Variants in POPDC2 observed in about 807,000 individuals in gnomAD.
POPDC2 encodes popeye domain-containing protein 2.
Under a neutral mutation model 30.5 loss-of-function variants are expected in POPDC2, and 24 were observed. The observed-to-expected ratio is 0.79, with a 90% CI of 0.57 to 1.11. POPDC2 has a LOEUF of 1.11. Ranked by LOEUF, POPDC2 falls within the 50% of genes least tolerant of loss-of-function variation. POPDC2 has a pLI of 0.00. For synonymous variants in POPDC2, 185 were observed against 183.3 expected, an observed-to-expected ratio of 1.01 and a Z score of -0.07; for missense variants, 409 against 447.0, an observed-to-expected ratio of 0.91 and a Z score of 0.77.
chr3:119,645,777 CAG>C (rs1485946763), intron 3 of POPDC2, among the ~76,000 whole-genome samples: 8 of 152,110 alleles, frequency 5.3e-5, no homozygotes, highest in Non-Finnish European at 1.2e-4. Flanking sequence ...GAAAGACACT[CAG>C]ATGTCCTGGG....
At chr3:119,645,179 G>A (rs1345670346) in intron 3 of POPDC2, among the ~76,000 whole-genome samples, 1 of 152,198 alleles carries the variant, frequency 6.6e-6, no homozygotes, top group African/African-American at 2.4e-5. Flanking sequence ...TTTAGAAAAG[G>A]CTGAATTTGG....
intron 1 of POPDC2, 95 bp downstream of exon 1, chr3:119,659,821 CAATGGAAGGGGACACGA>C (rs1577174928): frequency 7.6e-7 from 1 of 1,322,740 alleles, no homozygotes; most frequent in East Asian, 2.3e-5. Context: ...ATCCTTCCCT[CAATGGAAGGGGACACGA>C]AATGGAAAGG....
chr3:119,646,257 T>C (rs967494684), intron 3 of POPDC2, among the ~76,000 whole-genome samples: 3 of 151,904 alleles, frequency 2.0e-5, no homozygotes, highest in Non-Finnish European at 4.4e-5. Flanking sequence ...GATAAATATA[T>C]GAACAATAAA....
chr3:119,660,627 T>G (rs2052932563), upstream of POPDC2: 1 of 488,946 alleles, frequency 2.0e-6, no homozygotes, highest in Admixed American at 3.5e-5. Flanking sequence ...TAAAAACCTC[T>G]TTCTCTCTCT....
At position 119,645,572 on chromosome 3, in the gene POPDC2, A is replaced by C. The variant is rs1403691304; in HGVS notation, c.*43+2547T>G. ...AGCGAGACTCCGTCTCAAACAAAAA[A>C]AAAAAAAAAAAGAAAGAAAAAGAAA... is the stretch of plus-strand genomic sequence containing the variant. On this transcript the variant is annotated intron_variant, in intron 3 of 3. Coordinates refer to ENST00000493094, the MANE Select transcript of POPDC2 (RefSeq NM_001369919.2). Among the ~76,000 whole-genome samples the C allele has an allele frequency of 2.6e-5, 4 of 151,372 alleles. No homozygotes were observed. In the South Asian group the frequency reaches 8.3e-4, roughly 31 times the overall value.
intron 3 of POPDC2, among the ~76,000 whole-genome samples, chr3:119,644,192 A>G (rs913408607): frequency 6.6e-6 from 1 of 152,212 alleles, no homozygotes; most frequent in African/African-American, 2.4e-5. Flanking sequence ...GCTTATTTAA[A>G]TAATAGGGAG....
intron 1 of POPDC2, among the ~76,000 whole-genome samples, chr3:119,659,718 G>T (rs549389177): frequency 6.6e-6 from 1 of 152,314 alleles, no homozygotes; most frequent in South Asian, 2.1e-4. Context: ...CAACCAAGAT[G>T]CCTCATGAAC....
intron 1 of POPDC2, among the ~76,000 whole-genome samples, chr3:119,658,782 T>C (rs2052906912): frequency 6.6e-6 from 1 of 152,180 alleles, no homozygotes; most frequent in African/African-American, 2.4e-5. Flanking sequence ...TCAAAACATA[T>C]ATACATGATA....
Position 119,660,416 on chromosome 3 carries a change from G to A in POPDC2, c.8C>T (p.Ala3Val), listed in dbSNP as rs1160018925. ...AAGCTGGCCCACTCTGCTGCTGTTG[G>A]CGCTCATCTTTGGGGCCTCTCAAAG... MSANSSRVGQLLL... is the reference protein window; with the variant it reads MSVNSSRVGQLLL... The change falls in exon 1 of 4, where the codon GCC (alanine) becomes GTC (valine). Residue 3 changes from alanine to valine, a missense_variant. Physicochemically the swap from Ala to Val is moderately conservative, Grantham distance 64 (BLOSUM62 0). Coordinates refer to ENST00000493094, the MANE Select transcript of POPDC2 (RefSeq NM_001369919.2). The A allele has an allele frequency of 1.9e-6, 3 of 1,611,236 alleles. No individual in the cohort carries two copies. Among genetic ancestry groups the A allele is most frequent in the Admixed American group, 1.7e-5 (1 of 59,896 alleles).
rs777152491 is a variant in POPDC2, at chr3:119,660,508, G to C, written c.-85C>G. ...AAAATGAATGAATCCATCCGCTCAG[G>C]GGTCTTCTCACCTCCGGCTTCTCAC... On this transcript the variant is annotated 5_prime_UTR_variant, in exon 1 of 4. Coordinates refer to ENST00000493094, the MANE Select transcript of POPDC2 (RefSeq NM_001369919.2). 1.0e-5 allele frequency: 15 copies of C among 1,453,030 alleles called. No homozygotes were observed. In the Admixed American group the frequency reaches 2.0e-4, roughly 19 times the overall value. 90.0% of individuals were successfully genotyped at this position (1,453,030 alleles called of 1,614,324 possible).
At chr3:119,657,549 T>G (rs2052893123) in intron 1 of POPDC2, among the ~76,000 whole-genome samples, 1 of 152,080 alleles carries the variant, frequency 6.6e-6, no homozygotes, top group Non-Finnish European at 1.5e-5. Context: ...AGGAACAAAC[T>G]CACTTGTGTC....
intron 1 of POPDC2, among the ~76,000 whole-genome samples, chr3:119,659,101 T>C (rs555701136): frequency 3.7e-4 from 56 of 152,296 alleles, no homozygotes; most frequent in African/African-American, 1.3e-3. Context: ...TGATGTTTTC[T>C]CAGAAGAAAT....
chr3:119,653,971 G>A (rs1442572930), intron 2 of POPDC2, among the ~76,000 whole-genome samples: 2 of 142,506 alleles, frequency 1.4e-5, no homozygotes, highest in Non-Finnish European at 3.1e-5. Flanking sequence ...ACACAGGAGT[G>A]CTAGGCTGTG....
intron 1 of POPDC2, among the ~76,000 whole-genome samples, chr3:119,657,203 T>C (rs575427245): frequency 1.3e-5 from 2 of 152,334 alleles, no homozygotes; most frequent in South Asian, 2.1e-4. Flanking sequence ...TCTTCCTTAA[T>C]GGTGCTAGAT....
At chr3:119,656,148 T>C (rs2052876559) in intron 1 of POPDC2, among the ~76,000 whole-genome samples, 1 of 152,220 alleles carries the variant, frequency 6.6e-6, no homozygotes, top group Non-Finnish European at 1.5e-5. Flanking sequence ...TTGAAAAGCA[T>C]GGGTCCCAAT....
intron 1 of POPDC2, among the ~76,000 whole-genome samples, chr3:119,655,249 A>AC (rs1221823511): frequency 6.6e-6 from 1 of 151,948 alleles, no homozygotes; most frequent in East Asian, 1.9e-4. Context: ...AATCACTTGA[A>AC]CTCGGGGGTG....
intron 2 of POPDC2, among the ~76,000 whole-genome samples, chr3:119,652,417 G>A (rs2052822543): frequency 6.6e-6 from 1 of 152,180 alleles, no homozygotes; most frequent in South Asian, 2.1e-4. Flanking sequence ...CTTGACATTT[G>A]CAAAGAGGAA....
chr3:119,656,242 G>A (rs2052877761), intron 1 of POPDC2, among the ~76,000 whole-genome samples: 2 of 152,136 alleles, frequency 1.3e-5, no homozygotes, highest in South Asian at 4.1e-4. Flanking sequence ...TGAGGCTTAG[G>A]TGCATGTCTT....
chr3:119,645,174 A>G (rs1420722320), intron 3 of POPDC2, among the ~76,000 whole-genome samples: 1 of 152,238 alleles, frequency 6.6e-6, no homozygotes, highest in Non-Finnish European at 1.5e-5. Context: ...TGAGTTTTAG[A>G]AAAGGCTGAA....
Sources: allele counts gnomAD v4.1 joint callset (sites outside exome capture counted in the v4.1 genomes callset), GRCh38; gene constraint gnomAD v4.1.1; transcripts MANE v1.5; gene names NCBI Gene and HGNC (gene_info 2026-07-23, HGNC 2026-07-21).